The following PCDHA13 variants were observed in gnomAD, a reference collection of about 807,000 sequenced individuals.
PCDHA13 encodes the protein protocadherin alpha-13.
PCDHA13 carries 54 observed loss-of-function variants against 64.8 expected under a neutral mutation model. The observed-to-expected ratio is 0.83, with a 90% CI of 0.67 to 1.04. The LOEUF (loss-of-function observed/expected upper bound fraction) is 1.04, where lower values mean the gene tolerates loss of function less well. Ranked by LOEUF, PCDHA13 falls within the 50% of genes least tolerant of loss-of-function variation. PCDHA13 has a pLI of 0.00. For synonymous variants in PCDHA13, 587 were observed against 564.4 expected (o/e 1.04, Z -0.57); for missense variants, 1,248 against 1,254.3 (o/e 0.99, Z 0.08).
intron 1 of PCDHA13, among the ~76,000 whole-genome samples, chr5:140,975,269 T>A (rs1348655604): frequency 1.3e-5 from 2 of 152,252 alleles, no homozygotes; most frequent in African/African-American, 4.8e-5. Context: ...CTGATTTCTG[T>A]CTCTGACCTC....
chr5:140,917,955 C>T (rs1439909877), intron 1 of PCDHA13, among the ~76,000 whole-genome samples: 1 of 151,916 alleles, frequency 6.6e-6, no homozygotes, highest in Admixed American at 6.6e-5. Context: ...TTGATAGGAA[C>T]ATCATTGAAT....
intron 1 of PCDHA13, chr5:140,926,333 C>G (rs1244364456): frequency 6.6e-6 from 1 of 152,288 alleles, no homozygotes; most frequent in Non-Finnish European, 1.5e-5. Context: ...GGTCAGAGCG[C>G]CGGGACCCGA....
chr5:140,976,511 A>G (rs1216804890), intron 1 of PCDHA13, among the ~76,000 whole-genome samples: 1 of 152,148 alleles, frequency 6.6e-6, no homozygotes, highest in Non-Finnish European at 1.5e-5. Flanking sequence ...AGATCGCGCC[A>G]CTGCACACCA....
At chr5:140,966,802 G>A in intron 1 of PCDHA13, 4 of 1,542,100 alleles carry the variant, frequency 2.6e-6, no homozygotes, top group Non-Finnish European at 2.6e-6. Context: ...CGGCGACAGA[G>A]CATCCACGGC....
intron 1 of PCDHA13, among the ~76,000 whole-genome samples, chr5:140,938,135 A>T (rs926775458): frequency 1.3e-5 from 2 of 152,198 alleles, no homozygotes; most frequent in Non-Finnish European, 2.9e-5. Flanking sequence ...AAATAGAGAT[A>T]GAGTCTCACT....
At chr5:140,973,272 TC>T (rs1412629943) in intron 1 of PCDHA13, among the ~76,000 whole-genome samples, 1 of 152,134 alleles carries the variant, frequency 6.6e-6, no homozygotes, top group African/African-American at 2.4e-5. Flanking sequence ...TACTTTTATT[TC>T]CCCCAGCACT....
chr5:140,888,421 G>T (rs1046155514), intron 1 of PCDHA13, among the ~76,000 whole-genome samples: 9 of 152,144 alleles, frequency 5.9e-5, no homozygotes. Context: ...ACATCCTACC[G>T]TGCACAGGAC....
Position 141,009,697 on chromosome 5 carries a change from C to T in PCDHA13, c.2613C>T (p.Tyr871=), listed in dbSNP as rs1554262284. ...ACAGCAACAGCTGGACCTTTAAATA[C>T]GGACCAGGCAACCCCAAACAATCCG... ...GVNSNSWTFK[Y]GPGNPKQSGP... The change falls in exon 4 of 4, where the codon TAC becomes TAT. Residue 871 remains tyrosine (Y), a synonymous_variant. Coordinates refer to ENST00000289272, the MANE Select transcript of PCDHA13 (RefSeq NM_018904.3). 1.1e-5 allele frequency: 17 copies of T among 1,613,952 alleles called. No individual in the cohort carries two copies. The highest frequency in any genetic ancestry group is 1.1e-5 in the South Asian group (1 of 91,066).
chr5:140,994,460 T>C (rs1260062613), intron 3 of PCDHA13, among the ~76,000 whole-genome samples: 1 of 152,124 alleles, frequency 6.6e-6, no homozygotes, highest in African/African-American at 2.4e-5. Context: ...CCCAGCACTT[T>C]GGGAGGCTGA....
At chr5:140,928,652 A>T in intron 1 of PCDHA13, 1 of 1,614,188 alleles carries the variant, frequency 6.2e-7, no homozygotes, top group Non-Finnish European at 8.5e-7. Context: ...GTAGCAGAGG[A>T]TGCTGACAGT....
chr5:140,970,657 T>C (rs1487534093), intron 1 of PCDHA13, among the ~76,000 whole-genome samples: 1 of 152,232 alleles, frequency 6.6e-6, no homozygotes, highest in Non-Finnish European at 1.5e-5. Context: ...TGAATTGTTA[T>C]CTTTCCAAAT....
intron 1 of PCDHA13, among the ~76,000 whole-genome samples, chr5:140,963,839 G>A (rs566875036): frequency 1.3e-5 from 2 of 152,290 alleles, no homozygotes; most frequent in African/African-American, 2.4e-5. Flanking sequence ...ATTTTCTCAT[G>A]TAATCATAAT....
intron 1 of PCDHA13, chr5:140,927,274 G>T: frequency 6.2e-7 from 1 of 1,614,100 alleles, no homozygotes; most frequent in Non-Finnish European, 8.5e-7. Context: ...TCCTGCCGGC[G>T]ACGTGCAGCT....
At chr5:140,978,910 T>C in intron 1 of PCDHA13, 39 bp from the exon 2 acceptor site, 1 of 1,613,896 alleles carries the variant, frequency 6.2e-7, no homozygotes, top group Non-Finnish European at 8.5e-7. Context: ...GAACATTGTC[T>C]TGTCATTTTA....
chr5:140,950,671 A>G (rs1222424193), intron 1 of PCDHA13, among the ~76,000 whole-genome samples: 2 of 152,074 alleles, frequency 1.3e-5, no homozygotes, highest in Non-Finnish European at 2.9e-5. Context: ...TCAAACATGT[A>G]CATGTATATT....
At chr5:140,894,141 C>G (rs552932940) in intron 1 of PCDHA13, among the ~76,000 whole-genome samples, 169 of 152,150 alleles carry the variant, frequency 1.1e-3, no homozygotes, top group African/African-American at 3.9e-3. Context: ...AAATAATTCC[C>G]TTCTATGTAA....
At chr5:140,956,195 G>A (rs1324151692) in intron 1 of PCDHA13, among the ~76,000 whole-genome samples, 1 of 152,178 alleles carries the variant, frequency 6.6e-6, no homozygotes, top group Non-Finnish European at 1.5e-5. Flanking sequence ...CTGAATAGGA[G>A]TGGTGAAAGA....
Position 141,010,180 on chromosome 5 carries a change from AC to A in PCDHA13, c.*246del. The stretch of plus-strand genomic sequence containing the variant: ...CTTGTTTTCAGAACCTAAAAAGCAG[AC>A]CCAAGTTTCCTTTCTCCTCCGCCGC... On this transcript the variant is annotated 3_prime_UTR_variant, in exon 4 of 4. Coordinates refer to ENST00000289272, the MANE Select transcript of PCDHA13 (RefSeq NM_018904.3). 2 of 1,554,710 alleles carry A rather than the reference AC, an allele frequency of 1.3e-6. No individual in the cohort carries two copies. The highest frequency in any genetic ancestry group is 1.7e-6 in the Non-Finnish European group (2 of 1,148,310).
At chr5:140,893,380 C>A (rs1554185596) in intron 1 of PCDHA13, among the ~76,000 whole-genome samples, 1 of 152,130 alleles carries the variant, frequency 6.6e-6, no homozygotes, top group African/African-American at 2.4e-5. Context: ...ATTTATGGGA[C>A]AGTGGCTCAT....
Sources: gnomAD v4.1 joint callset for allele counts (sites outside exome capture counted in the v4.1 genomes callset) on GRCh38, gnomAD v4.1.1 for gene constraint, MANE v1.5 for transcripts, NCBI Gene and HGNC (gene_info 2026-07-23, HGNC 2026-07-21) for gene names.